ZNF680: variants seen among roughly 807,000 people sequenced by gnomAD.
ZNF680 encodes the protein hypothetical protein FLJ90430.
Under a neutral mutation model 12.1 loss-of-function variants are expected in ZNF680, and 6 were observed. That is an observed-to-expected ratio of 0.49 (90% CI 0.27 to 0.98). The LOEUF is 0.98. Among genes scored for constraint, ZNF680 ranks in the 50% least tolerant of loss-of-function variants. The pLI, the probability that ZNF680 is intolerant of heterozygous loss-of-function variation, is 0.12. For missense variants in ZNF680, 561 were observed against 616.3 expected (o/e 0.91, Z 0.95); for synonymous variants, 170 against 199.3 (o/e 0.85, Z 1.24).
chr7:64,499,446 G>A, the ZNF680 span, among the ~76,000 whole-genome samples: 3 of 152,182 alleles, frequency 2.0e-5, no homozygotes, highest in South Asian at 4.1e-4. Flanking sequence ...TCCAGAAAGA[G>A]CAGACAGTAA....
chr7:64,507,824 AACACACACACACACACAC>A, the ZNF680 span, among the ~76,000 whole-genome samples: 43,396 of 136,320 alleles, frequency 0.32, 7,555 homozygotes, highest in African/African-American at 0.44. Context: ...AATTCCAGGA[AACACACACACACACACAC>A]ACACACACAC....
intron 3 of ZNF680, among the ~76,000 whole-genome samples, chr7:64,534,890 G>A (rs1786075605): frequency 6.6e-6 from 1 of 152,004 alleles, no homozygotes; most frequent in South Asian, 2.1e-4. Flanking sequence ...ATTATTCTAA[G>A]TGAAGTAACT....
chr7:64,549,983 C>CA (rs778355380), intron 1 of ZNF680, among the ~76,000 whole-genome samples: 27 of 151,270 alleles, frequency 1.8e-4, no homozygotes, highest in African/African-American at 2.2e-4. Flanking sequence ...GACTCCCTCT[C>CA]AAAAAAAACA....
At chr7:64,551,166 T>C (rs567639767) in intron 1 of ZNF680, among the ~76,000 whole-genome samples, 2 of 152,306 alleles carry the variant, frequency 1.3e-5, no homozygotes, top group African/African-American at 4.8e-5. Flanking sequence ...TAATTTGTTA[T>C]ATATAATTAC....
downstream of ZNF680, chr7:64,519,859 C>T (rs757226728): frequency 7.3e-5 from 11 of 151,654 alleles, no homozygotes; most frequent in Non-Finnish European, 1.5e-4. Flanking sequence ...AATAACGCTT[C>T]ATTGAATGCA....
chr7:64,504,475 AACT>A, the ZNF680 span, among the ~76,000 whole-genome samples: 268 of 152,336 alleles, frequency 1.8e-3, 2 homozygotes, highest in African/African-American at 5.9e-3. Context: ...GTTTACGTTT[AACT>A]GTTTCTGATT....
At chr7:64,524,819 T>C (rs1281163032) in intron 3 of ZNF680, 3 of 150,616 alleles carry the variant, frequency 2.0e-5, no homozygotes, top group Non-Finnish European at 4.4e-5. Context: ...TAAATTTTTA[T>C]GGATTACTTT....
the ZNF680 span, chr7:64,501,648 G>T: frequency 1.5e-5 from 14 of 932,894 alleles, no homozygotes; most frequent in Admixed American, 6.9e-5. Context: ...GGGATGGCCA[G>T]CTGGAGTTGA....
chr7:64,538,074 C>T (rs1786273104), intron 3 of ZNF680, among the ~76,000 whole-genome samples: 1 of 151,456 alleles, frequency 6.6e-6, no homozygotes. Context: ...ACGTTGAAAT[C>T]AGGTTATCTA....
the ZNF680 span, among the ~76,000 whole-genome samples, chr7:64,510,347 C>A: frequency 6.6e-6 from 1 of 151,908 alleles, no homozygotes; most frequent in East Asian, 1.9e-4. Context: ...GCACCCCCAC[C>A]CCGCCACCTT....
chr7:64,539,310 C>G (rs532118969), intron 3 of ZNF680, among the ~76,000 whole-genome samples: 2 of 133,996 alleles, frequency 1.5e-5, no homozygotes, highest in East Asian at 4.5e-4. Context: ...AAGATGGCAC[C>G]ACTGCGCTCC....
At chr7:64,501,041 G>C in the ZNF680 span, 1 of 735,398 alleles carries the variant, frequency 1.4e-6, no homozygotes, top group Non-Finnish European at 2.4e-6. Context: ...GAGAAGGGCA[G>C]AATAATTGCT....
At chr7:64,510,709 G>T in the ZNF680 span, among the ~76,000 whole-genome samples, 1 of 135,018 alleles carries the variant, frequency 7.4e-6, no homozygotes, top group African/African-American at 2.8e-5. Flanking sequence ...AGGAGATCGA[G>T]ACCATCCCGG....
At chr7:64,554,794 C>T in intron 1 of ZNF680, among the ~76,000 whole-genome samples, 1 of 152,054 alleles carries the variant, frequency 6.6e-6, no homozygotes, top group African/African-American at 2.4e-5. Flanking sequence ...AGGCGGCATA[C>T]TCGTTAAGAG....
chr7:64,528,074 C>T (rs1249443458), intron 3 of ZNF680, among the ~76,000 whole-genome samples: 1 of 152,080 alleles, frequency 6.6e-6, no homozygotes, highest in African/African-American at 2.4e-5. Flanking sequence ...GGAGAAGATG[C>T]CGACCTTACC....
In ZNF680 at chr7:64,539,376, GA is replaced by G. The variant is rs1233424872; in HGVS notation, c.253+4330del. ...CAAAAAAAAAAAAAAAAAAAAAAAA[GA>G]AAAGAAAATCTTGTCCCATTTTATT... On this transcript the variant is annotated intron_variant, in intron 3 of 3. Transcript: ENST00000309683. Among the ~76,000 whole-genome samples the G allele has an allele frequency of 7.0e-3, 503 of 72,054 alleles. 3 individuals are homozygous for G. Among genetic ancestry groups the G allele is most frequent in the Middle Eastern group, 0.016 (2 of 122 alleles). The allele number at this position is 72,054 out of a possible 152,430, so 47.3% of individuals were successfully genotyped here.
At chr7:64,515,042 A>T (rs10240809), downstream of ZNF680, among the ~76,000 whole-genome samples, 264 of 11,234 alleles carry the variant, frequency 0.024, no homozygotes, top group African/African-American at 0.046. Flanking sequence ...AAACTCTGTC[A>T]CACACACACA....
At chr7:64,549,940 A>G (rs1392720970) in intron 1 of ZNF680, among the ~76,000 whole-genome samples, 2 of 152,164 alleles carry the variant, frequency 1.3e-5, no homozygotes, top group Non-Finnish European at 2.9e-5. Flanking sequence ...CAGAGATCGC[A>G]CCATTGCACT....
intron 3 of ZNF680, among the ~76,000 whole-genome samples, chr7:64,537,474 T>C (rs948394080): frequency 2.0e-5 from 3 of 152,204 alleles, no homozygotes; most frequent in Non-Finnish European, 2.9e-5. Flanking sequence ...AGCACAGTTT[T>C]TTTTACAGAA....
Sources: gnomAD v4.1 joint callset for allele counts (sites outside exome capture counted in the v4.1 genomes callset) on GRCh38, gnomAD v4.1.1 for gene constraint, MANE v1.5 for transcripts, NCBI Gene and HGNC (gene_info 2026-07-23, HGNC 2026-07-21) for gene names.